Variants in DOCK2 observed in about 807,000 individuals in gnomAD.
DOCK2 encodes dedicator of cytokinesis protein 2.
A neutral mutation model predicts 248.9 loss-of-function variants in DOCK2; 87 were observed. The observed-to-expected ratio is 0.35, with a 90% CI of 0.29 to 0.42. The LOEUF (loss-of-function observed/expected upper bound fraction) is 0.42, where lower values mean the gene tolerates loss of function less well. DOCK2 is among the 10% of genes least tolerant of loss of function. The pLI is 1.00. For missense variants in DOCK2, 1,747 were observed against 2,300.2 expected (o/e 0.76, Z 4.92); for synonymous variants, 805 against 821.6 (o/e 0.98, Z 0.35).
chr5:170,013,167 T>A (rs559938377), intron 32 of DOCK2, among the ~76,000 whole-genome samples: 2 of 152,104 alleles, frequency 1.3e-5, no homozygotes, highest in African/African-American at 4.8e-5. Context: ...GCAGGTATTC[T>A]AGGGGAGCAA....
intron 32 of DOCK2, among the ~76,000 whole-genome samples, chr5:170,016,129 A>T (rs1755531951): frequency 6.6e-6 from 1 of 152,184 alleles, no homozygotes; most frequent in Non-Finnish European, 1.5e-5. Context: ...CATTATCAGC[A>T]GATCCTCTCC....
chr5:169,784,400 G>A (rs1377790201), intron 25 of DOCK2, among the ~76,000 whole-genome samples: 1 of 152,198 alleles, frequency 6.6e-6, no homozygotes, highest in Non-Finnish European at 1.5e-5. Context: ...GTTCTGAGGG[G>A]ACATGACCTG....
At chr5:170,033,081 G>A (rs1369160761) in intron 34 of DOCK2, among the ~76,000 whole-genome samples, 1 of 151,636 alleles carries the variant, frequency 6.6e-6, no homozygotes, top group Non-Finnish European at 1.5e-5. Context: ...GCAAAATGGG[G>A]GAAATAATTC....
chr5:169,896,648 A>G (rs552960197), intron 27 of DOCK2, among the ~76,000 whole-genome samples: 1 of 152,310 alleles, frequency 6.6e-6, no homozygotes, highest in Admixed American at 6.5e-5. Context: ...CATTATTACT[A>G]TAGGCAGTAT....
chr5:169,719,427 TG>T, intron 22 of DOCK2, among the ~76,000 whole-genome samples: 1 of 152,326 alleles, frequency 6.6e-6, no homozygotes. Flanking sequence ...TCAGGTTGGT[TG>T]TGTGTGATGG....
In DOCK2 at chr5:169,758,063, A is replaced by AT. The variant is rs141321312; in HGVS notation, c.2377-1634dup. Among the ~76,000 whole-genome samples, 73 of 152,008 alleles carry AT rather than the reference A, an allele frequency of 4.8e-4. 3 individuals are homozygous for AT. The South Asian group carries it at 8.9e-3, about 19-fold the overall frequency. On this transcript the variant is annotated intron_variant, in intron 23 of 51. Coordinates refer to ENST00000520908, the MANE Select transcript of DOCK2 (RefSeq NM_004946.3). Reference sequence around the variant, plus strand: ...GGATCTTTACAGATATACAAACAGTATTTTTTTTACCACGTATTTATAATA... The same window carrying AT: ...GGATCTTTACAGATATACAAACAGTATTTTTTTTTACCACGTATTTATAATA...
intron 14 of DOCK2, 42 bp downstream of exon 14, chr5:169,702,469 G>C (rs1204994469): frequency 6.2e-7 from 1 of 1,607,948 alleles, no homozygotes; most frequent in Non-Finnish European, 8.5e-7. Flanking sequence ...GGTCCGCCTT[G>C]GGGGCCTCTG....
intron 1 of DOCK2, among the ~76,000 whole-genome samples, chr5:169,644,994 A>G (rs933033714): frequency 3.9e-5 from 6 of 152,166 alleles, no homozygotes; most frequent in African/African-American, 1.4e-4. Flanking sequence ...TTATGGCTGC[A>G]TAGTATTCCA....
At chr5:169,969,673 C>T (rs1777429965) in intron 27 of DOCK2, among the ~76,000 whole-genome samples, 2 of 152,244 alleles carry the variant, frequency 1.3e-5, no homozygotes, top group East Asian at 1.9e-4. Flanking sequence ...CCTACAGGGT[C>T]CAGGCAGATA....
At chr5:169,845,186 C>T (rs937685789) in intron 27 of DOCK2, among the ~76,000 whole-genome samples, 22 of 149,668 alleles carry the variant, frequency 1.5e-4, no homozygotes, top group Non-Finnish European at 3.0e-4. Flanking sequence ...TTGCCCCTCC[C>T]TCTCTGTCAC....
chr5:169,960,650 T>C (rs1417014268), intron 27 of DOCK2, among the ~76,000 whole-genome samples: 1 of 152,200 alleles, frequency 6.6e-6, no homozygotes, highest in African/African-American at 2.4e-5. Flanking sequence ...TCACCTGTAC[T>C]TGTGTGGTAA....
intron 2 of DOCK2, among the ~76,000 whole-genome samples, chr5:169,665,824 T>G (rs946448225): frequency 1.3e-5 from 2 of 152,198 alleles, no homozygotes; most frequent in African/African-American, 4.8e-5. Context: ...GACCTTGGAT[T>G]CTTTTTTGAT....
In DOCK2 at chr5:170,079,059, C is replaced by G. The variant is rs146935890; in HGVS notation, c.5079C>G (p.Val1693=). Reference sequence around the variant, plus strand: ...CCCCGGGGAGCACCCTGCCTGAGGTCAAGCTGCGGAGGTCCAAGAAGAGGA... The same window carrying G: ...CCCCGGGGAGCACCCTGCCTGAGGTGAAGCTGCGGAGGTCCAAGAAGAGGA... ...PISPGSTLPE[V]KLRRSKKRTK... is the part of the protein sequence containing the mutation. The change falls in exon 49 of 52, where the codon GTC becomes GTG. Residue 1693 remains valine, a synonymous_variant. Transcript: ENST00000520908. 2.4e-5 allele frequency: 39 copies of G among 1,614,144 alleles called. No homozygotes were observed. The African/African-American group carries it at 4.7e-4, about 19-fold the overall frequency.
At chr5:169,688,457 T>G (rs577453398) in intron 8 of DOCK2, among the ~76,000 whole-genome samples, 10 of 152,228 alleles carry the variant, frequency 6.6e-5, no homozygotes, top group Non-Finnish European at 1.5e-4. Flanking sequence ...ATTCCTTATT[T>G]GAAACGCTTG....
intron 42 of DOCK2, chr5:170,056,333 G>T: frequency 5.3e-6 from 1 of 189,848 alleles, no homozygotes; most frequent in Non-Finnish European, 1.1e-5. Flanking sequence ...AATCCTTTGA[G>T]GACACCTCTG....
intron 35 of DOCK2, among the ~76,000 whole-genome samples, chr5:170,035,021 C>T (rs9313485): frequency 0.42 from 63,657 of 152,064 alleles, 14,638 homozygotes; most frequent in African/African-American, 0.61. Flanking sequence ...ATGCTCACTA[C>T]GTATTAGTTT....
chr5:169,704,823 T>C (rs1296562588), intron 14 of DOCK2, among the ~76,000 whole-genome samples: 2 of 151,042 alleles, frequency 1.3e-5, no homozygotes, highest in African/African-American at 4.9e-5. Flanking sequence ...ATGCACACAC[T>C]ATGTGCCCAC....
At chr5:169,812,491 A>G (rs2113191300) in intron 26 of DOCK2, among the ~76,000 whole-genome samples, 1 of 152,332 alleles carries the variant, frequency 6.6e-6, no homozygotes, top group Non-Finnish European at 1.5e-5. Flanking sequence ...ATGCACTTGA[A>G]TTATCCAAAA....
intron 1 of DOCK2, among the ~76,000 whole-genome samples, chr5:169,647,307 G>T (rs1757521935): frequency 6.6e-6 from 1 of 152,050 alleles, no homozygotes; most frequent in South Asian, 2.1e-4. Context: ...AGATGGATGG[G>T]TGGGTAGATG....
Sources: gnomAD v4.1 joint callset for allele counts (sites outside exome capture counted in the v4.1 genomes callset) on GRCh38, gnomAD v4.1.1 for gene constraint, MANE v1.5 for transcripts, NCBI Gene and HGNC (gene_info 2026-07-23, HGNC 2026-07-21) for gene names.